PTPRB: variants seen among roughly 807,000 people sequenced by gnomAD.
PTPRB encodes the protein receptor-type tyrosine-protein phosphatase beta.
In PTPRB, 97 loss-of-function variants were observed where a neutral mutation model predicts 238.1. The observed-to-expected ratio is 0.41, with a 90% CI of 0.35 to 0.48. The LOEUF is 0.48. PTPRB is among the 20% of genes least tolerant of loss of function. The pLI, the probability that PTPRB is intolerant of heterozygous loss-of-function variation, is 0.30. For missense variants in PTPRB, 2,292 were observed against 2,681.9 expected (o/e 0.85, Z 3.21); for synonymous variants, 970 against 995.4 (o/e 0.97, Z 0.48).
intron 2 of PTPRB, among the ~76,000 whole-genome samples, chr12:70,629,282 A>T (rs1885338534): frequency 6.6e-6 from 1 of 152,204 alleles, no homozygotes; most frequent in African/African-American, 2.4e-5. Flanking sequence ...AAAACTCAGC[A>T]TTAAAAAATT....
At chr12:70,532,769 G>C (rs1873486271) in intron 31 of PTPRB, among the ~76,000 whole-genome samples, 2 of 151,948 alleles carry the variant, frequency 1.3e-5, no homozygotes, top group Admixed American at 1.3e-4. Flanking sequence ...AGCCTCCTGA[G>C]TAGCTGGGAC....
chr12:70,541,656 A>G (rs927211525), intron 22 of PTPRB: 2 of 141,170 alleles, frequency 1.4e-5, no homozygotes, highest in African/African-American at 4.9e-5. Flanking sequence ...CCACTAATCT[A>G]CTTTCTGTGT....
In PTPRB at chr12:70,619,509, G is replaced by A. The variant is rs189699713; in HGVS notation, c.708+2881C>T. On this transcript the variant is annotated intron_variant, in intron 3 of 33. Transcript: ENST00000334414. The stretch of plus-strand genomic sequence containing the variant: ...TTGATCAATAGAATATCGCAGAAGT[G>A]ATGTTGCATGGTTCCAGAGCCTCGG... 5.3e-5 allele frequency among the ~76,000 whole-genome samples: 8 copies of A among 152,236 alleles called. No homozygotes were observed. In the East Asian group the frequency reaches 1.4e-3, roughly 26 times the overall value.
intron 4 of PTPRB, among the ~76,000 whole-genome samples, chr12:70,596,548 G>T (rs1327792970): frequency 6.7e-6 from 1 of 149,688 alleles, no homozygotes; most frequent in East Asian, 2.0e-4. Flanking sequence ...TTAGCTACTA[G>T]TCATATGAAT....
rs1315718522 is a variant in PTPRB, at chr12:70,524,903, G to A, written c.6505-312C>T. On this transcript the variant is annotated intron_variant, in intron 32 of 33. Transcript: ENST00000334414. ...TATATATGTATATATGTGTATATAT[G>A]TGTATATATGTATGTATATATGTGT... Among the ~76,000 whole-genome samples the A allele has an allele frequency of 5.2e-5, 7 of 134,460 alleles. No homozygotes were observed. The Admixed American group carries it at 5.6e-4, about 11-fold the overall frequency. 88.2% of individuals were successfully genotyped at this position (134,460 alleles called of 152,430 possible). A position where few individuals can be genotyped will look rare whatever the true frequency, so the allele number is the denominator to read the frequency against.
intron 3 of PTPRB, among the ~76,000 whole-genome samples, chr12:70,612,329 G>T (rs1884492496): frequency 6.6e-6 from 1 of 152,266 alleles, no homozygotes; most frequent in Non-Finnish European, 1.5e-5. Context: ...CAAGAAAACT[G>T]TAATATATTC....
At chr12:70,609,906 T>G in intron 3 of PTPRB, 2 of 1,214,932 alleles carry the variant, frequency 1.6e-6, no homozygotes, top group East Asian at 3.0e-5. Flanking sequence ...TTGCGCGCGC[T>G]CAGCGCGCCC....
intron 10 of PTPRB, among the ~76,000 whole-genome samples, chr12:70,579,722 T>C (rs555728149): frequency 5.5e-4 from 79 of 143,628 alleles, no homozygotes; most frequent in Non-Finnish European, 1.1e-3. Flanking sequence ...AAAAGAAACA[T>C]GCAAGTGACA....
At chr12:70,586,451 CTT>C (rs1881924168) in intron 9 of PTPRB, among the ~76,000 whole-genome samples, 1 of 152,166 alleles carries the variant, frequency 6.6e-6, no homozygotes, top group Non-Finnish European at 1.5e-5. Flanking sequence ...TGGGTAGGAT[CTT>C]TATAGTAGTG....
intron 3 of PTPRB, among the ~76,000 whole-genome samples, chr12:70,620,062 A>G (rs1884859156): frequency 6.6e-6 from 1 of 152,232 alleles, no homozygotes; most frequent in Non-Finnish European, 1.5e-5. Context: ...CTTTTGAAAG[A>G]GCATAGCTTT....
intron 21 of PTPRB, among the ~76,000 whole-genome samples, chr12:70,550,465 A>G (rs2136291613): frequency 6.6e-6 from 1 of 152,256 alleles, no homozygotes; most frequent in South Asian, 2.1e-4. Context: ...AATGGGAACT[A>G]TGGGGAAACC....
chr12:70,633,898 T>C (rs973149769), intron 2 of PTPRB, among the ~76,000 whole-genome samples: 1 of 152,106 alleles, frequency 6.6e-6, no homozygotes, highest in African/African-American at 2.4e-5. Flanking sequence ...GGTTTGGGGA[T>C]GAATCTCACT....
chr12:70,628,769 T>A (rs1885316397), intron 2 of PTPRB, among the ~76,000 whole-genome samples: 1 of 152,124 alleles, frequency 6.6e-6, no homozygotes, highest in Admixed American at 6.6e-5. Context: ...CTTGCTGTGT[T>A]GCCCAGGCTG....
intron 29 of PTPRB, 114 bp downstream of exon 29, chr12:70,535,909 CAA>C: frequency 7.8e-7 from 1 of 1,290,148 alleles, no homozygotes; most frequent in Non-Finnish European, 1.1e-6. Context: ...AAGTCACTAA[CAA>C]TGCTCTCACA....
At chr12:70,587,828 C>A (rs528232799) in intron 8 of PTPRB, among the ~76,000 whole-genome samples, 1 of 151,892 alleles carries the variant, frequency 6.6e-6, no homozygotes, top group African/African-American at 2.4e-5. Context: ...TGGTTGGGTG[C>A]GGTGGCTCAC....
intron 32 of PTPRB, among the ~76,000 whole-genome samples, chr12:70,528,868 G>T (rs1335367133): frequency 6.6e-6 from 1 of 151,706 alleles, no homozygotes; most frequent in Non-Finnish European, 1.5e-5. Flanking sequence ...AAACTGGAAG[G>T]TGCAAAAGCA....
At chr12:70,630,193 A>C (rs183341726) in intron 2 of PTPRB, among the ~76,000 whole-genome samples, 155 of 152,346 alleles carry the variant, frequency 1.0e-3, no homozygotes, top group Non-Finnish European at 1.6e-3. Flanking sequence ...AACCGAATCC[A>C]GCAGCATATC....
At chr12:70,525,929 T>C (rs1037583222) in intron 32 of PTPRB, among the ~76,000 whole-genome samples, 1 of 149,710 alleles carries the variant, frequency 6.7e-6, no homozygotes, top group South Asian at 2.2e-4. Flanking sequence ...AGGATATAGA[T>C]TGATGTCAGA....
Position 70,608,245 on chromosome 12 carries a change from T to C in PTPRB, c.979+824A>G, listed in dbSNP as rs557337219. ...TGCAACAAATAGAGATAATGAAGAC[T>C]AATGAAGTCAGAAAACCTGAAAATT... is the stretch of plus-strand genomic sequence containing the variant. On this transcript the variant is annotated intron_variant, in intron 4 of 33. Coordinates refer to ENST00000334414, the MANE Select transcript of PTPRB (RefSeq NM_001109754.4). 9.1e-4 allele frequency among the ~76,000 whole-genome samples: 139 copies of C among 152,306 alleles called. 1 individual carries two copies. Among genetic ancestry groups the C allele is most frequent in the Non-Finnish European group, 1.9e-3 (129 of 68,028 alleles).
Sources: gnomAD v4.1 joint callset for allele counts (sites outside exome capture counted in the v4.1 genomes callset) on GRCh38, gnomAD v4.1.1 for gene constraint, MANE v1.5 for transcripts, NCBI Gene and HGNC (gene_info 2026-07-23, HGNC 2026-07-21) for gene names.